HMSD: variants seen among roughly 807,000 people sequenced by gnomAD.
HMSD encodes histocompatibility minor serpin domain containing, also known as serpin-like protein HMSD.
A neutral mutation model predicts 10.0 loss-of-function variants in HMSD; 13 were observed. The ratio of observed to expected loss-of-function variants is 1.31; its 90% CI spans 0.85 to 2.08. The LOEUF (loss-of-function observed/expected upper bound fraction) is 2.08. Ranked by LOEUF, HMSD falls within the 30% of genes most tolerant of loss-of-function variation. The pLI is 0.00. For missense variants in HMSD, 169 were observed against 166.3 expected (o/e 1.02, Z -0.09); for synonymous variants, 51 against 54.2 (o/e 0.94, Z 0.26).
chr18:63,956,752 T>A (rs1485077389), intron 3 of HMSD, among the ~76,000 whole-genome samples: 1 of 152,062 alleles, frequency 6.6e-6, no homozygotes. Flanking sequence ...GGAATAGAAA[T>A]CATTCTACCA....
downstream of HMSD, among the ~76,000 whole-genome samples, chr18:63,964,159 C>T (rs1236837952): frequency 1.3e-5 from 2 of 152,196 alleles, no homozygotes; most frequent in Admixed American, 6.5e-5. Context: ...GGCAGCCACA[C>T]CTTCAAAGAG....
At chr18:63,962,731 A>G (rs2050391587), downstream of HMSD, among the ~76,000 whole-genome samples, 1 of 152,146 alleles carries the variant, frequency 6.6e-6, no homozygotes, top group South Asian at 2.1e-4. Context: ...GGTCCAAAGC[A>G]AGGGATGGTT....
At chr18:63,963,129 C>A (rs1189471743), downstream of HMSD, among the ~76,000 whole-genome samples, 2 of 123,522 alleles carry the variant, frequency 1.6e-5, no homozygotes, top group African/African-American at 6.1e-5. Flanking sequence ...TTCTTTCTTT[C>A]TTTCCTTTCT....
At chr18:63,958,026 G>A (rs2050368130) in intron 3 of HMSD, among the ~76,000 whole-genome samples, 1 of 152,120 alleles carries the variant, frequency 6.6e-6, no homozygotes, top group Non-Finnish European at 1.5e-5. Flanking sequence ...TGATTCATCA[G>A]TTTGCCTTCA....
chr18:63,963,133 C>CTTTCTTTCTTTT (rs748638278), downstream of HMSD, among the ~76,000 whole-genome samples: 103 of 108,452 alleles, frequency 9.5e-4, 3 homozygotes, highest in African/African-American at 2.8e-3. Context: ...TTCTTTCTTT[C>CTTTCTTTCTTTT]CTTTCTTTCT....
chr18:63,953,713 G>A (rs2050342950), intron 2 of HMSD, among the ~76,000 whole-genome samples, 186 bp downstream of exon 2: 1 of 152,216 alleles, frequency 6.6e-6, no homozygotes, highest in Admixed American at 6.5e-5. Flanking sequence ...GTGACCTGGG[G>A]TCACTCATGT....
At chr18:63,963,143 TTC>T (rs1182140470), downstream of HMSD, among the ~76,000 whole-genome samples, 93 of 139,338 alleles carry the variant, frequency 6.7e-4, no homozygotes, top group African/African-American at 2.1e-3. Context: ...CCTTTCTTTC[TTC>T]TCTCTCTCTT....
chr18:63,960,264 AT>A lies in HMSD; in HGVS notation c.330del (p.Asp110GlufsTer17). ...ACACGTGTAAACTCCTGGGTTGCTG[AT>A]AAAACTAAAGGTGAAAATATATTGT... is the stretch of plus-strand genomic sequence containing the variant. ...STTRVNSWVA[D>X]KTKGENILLF... On this transcript the variant is annotated frameshift_variant, in exon 4 of 4. Transcript: ENST00000408945. LOFTEE classifies it high-confidence loss of function. 6.2e-7 allele frequency: 1 copy of A among 1,613,360 alleles called. No individual in the cohort carries two copies.
intron 3 of HMSD, among the ~76,000 whole-genome samples, chr18:63,959,171 G>C: frequency 1.3e-5 from 2 of 150,134 alleles, no homozygotes; most frequent in South Asian, 4.1e-4. Context: ...TTTGTGTGCA[G>C]GTTTTATCAG....
At chr18:63,951,740 T>C (rs973066986) in intron 1 of HMSD, among the ~76,000 whole-genome samples, 12 of 152,184 alleles carry the variant, frequency 7.9e-5, no homozygotes, top group African/African-American at 2.9e-4. Context: ...TGAAGTACGG[T>C]AAGTGATAAA....
chr18:63,958,163 G>A (rs1463032453), intron 3 of HMSD, among the ~76,000 whole-genome samples: 3 of 152,158 alleles, frequency 2.0e-5, no homozygotes, highest in Admixed American at 6.5e-5. Flanking sequence ...GATCAGTTAC[G>A]TGGTACTGAG....
intron 3 of HMSD, among the ~76,000 whole-genome samples, chr18:63,956,426 T>C (rs937996410): frequency 1.3e-5 from 2 of 150,918 alleles, no homozygotes; most frequent in African/African-American, 4.9e-5. Context: ...CCAAAGGACA[T>C]GGACAGACAC....
chr18:63,953,554 A>G (rs755973794), intron 2 of HMSD, 27 bp downstream of exon 2: 2 of 1,562,588 alleles, frequency 1.3e-6, no homozygotes, highest in South Asian at 2.2e-5. Flanking sequence ...CAAGACAACA[A>G]TAAGTGCTAT....
intron 3 of HMSD, among the ~76,000 whole-genome samples, chr18:63,957,652 A>G (rs952100831): frequency 1.3e-5 from 2 of 152,180 alleles, no homozygotes; most frequent in South Asian, 2.1e-4. Context: ...TCTTAGCACT[A>G]TTTAGTTTAT....
At chr18:63,956,138 A>G (rs2050356955) in intron 3 of HMSD, among the ~76,000 whole-genome samples, 1 of 152,212 alleles carries the variant, frequency 6.6e-6, no homozygotes, top group African/African-American at 2.4e-5. Flanking sequence ...CTCCTAGGAA[A>G]TAACATTCTG....
At chr18:63,958,658 A>G (rs755514832) in intron 3 of HMSD, among the ~76,000 whole-genome samples, 1 of 152,158 alleles carries the variant, frequency 6.6e-6, no homozygotes, top group Non-Finnish European at 1.5e-5. Flanking sequence ...CCATAATGCT[A>G]TGCATTATGT....
intron 1 of HMSD, 37 bp from the exon 2 acceptor site, chr18:63,953,317 T>C (rs1373938027): frequency 1.6e-6 from 1 of 629,918 alleles, no homozygotes; most frequent in Non-Finnish European, 2.9e-6. Flanking sequence ...TGTAAGCCTA[T>C]ATTAATGTAA....
At position 63,960,281 on chromosome 18, in the gene HMSD, A is replaced by T; in HGVS notation, c.346A>T (p.Asn116Tyr). The change falls in exon 4 of 4, where the codon AAT becomes TAT. Residue 116 changes from asparagine (N) to tyrosine (Y), a missense_variant. Transcript: ENST00000408945. Reference protein sequence around the residue: ...SWVADKTKGENILLFYFDNIL... With the variant: ...SWVADKTKGEYILLFYFDNIL... The stretch of plus-strand genomic sequence containing the variant: ...GGTTGCTGATAAAACTAAAGGTGAA[A>T]ATATATTGTTATTCTATTTCGATAA... 1 of 1,612,204 alleles carries T rather than the reference A, an allele frequency of 6.2e-7. No individual in the cohort carries two copies. Among genetic ancestry groups the T allele is most frequent in the Non-Finnish European group, 8.5e-7 (1 of 1,179,108 alleles).
At chr18:63,963,413 T>G (rs921405920), downstream of HMSD, among the ~76,000 whole-genome samples, 1 of 151,962 alleles carries the variant, frequency 6.6e-6, no homozygotes, top group Non-Finnish European at 1.5e-5. Context: ...GTATTTTTAG[T>G]AGAGACGGGG....
Sources: allele counts gnomAD v4.1 joint callset (sites outside exome capture counted in the v4.1 genomes callset), GRCh38; gene constraint gnomAD v4.1.1; transcripts MANE v1.5; gene names NCBI Gene and HGNC (gene_info 2026-07-23, HGNC 2026-07-21).